Variants in EYA1 observed in about 807,000 individuals in gnomAD.
EYA1 encodes protein phosphatase EYA1.
A neutral mutation model predicts 82.0 loss-of-function variants in EYA1; 16 were observed. The ratio of observed to expected loss-of-function variants is 0.20; its 90% CI spans 0.13 to 0.30. EYA1 has a LOEUF of 0.30. Ranked by LOEUF, EYA1 falls within the 10% of genes least tolerant of loss-of-function variation. EYA1 has a pLI of 1.00. For synonymous variants in EYA1, 261 were observed against 264.4 expected (o/e 0.99, Z 0.12); for missense variants, 633 against 730.7 (o/e 0.87, Z 1.54).
chr8:71,325,916 A>G (rs771182947), intron 4 of EYA1, among the ~76,000 whole-genome samples: 6 of 152,226 alleles, frequency 3.9e-5, no homozygotes, highest in African/African-American at 9.6e-5. Flanking sequence ...CTTTCTAAAC[A>G]GTAACCCAGG....
At chr8:71,273,906 A>G (rs1302047774) in intron 9 of EYA1, among the ~76,000 whole-genome samples, 1 of 152,174 alleles carries the variant, frequency 6.6e-6, no homozygotes, top group Non-Finnish European at 1.5e-5. Context: ...AAAGTCGTTT[A>G]TCTTTCCTAG....
At chr8:71,374,429 T>G in intron 2 of EYA1, among the ~76,000 whole-genome samples, 1 of 152,036 alleles carries the variant, frequency 6.6e-6, no homozygotes, top group Non-Finnish European at 1.5e-5. Flanking sequence ...AAAACCACCA[T>G]GAGATATCAC....
Position 71,307,090 on chromosome 8 carries a change from T to C in EYA1, c.557-7370A>G, listed in dbSNP as rs73290080. Among the ~76,000 whole-genome samples, 80 of 152,254 alleles carry C rather than the reference T, an allele frequency of 5.3e-4. 1 individual carries two copies. Among genetic ancestry groups the C allele is most frequent in the African/African-American group, 1.9e-3 (78 of 41,540 alleles). ...AGGTGTGGGGACAGGTGAGGACCTT[T>C]CCATAGATTTTTGTTGGTGGGGAGG... is the stretch of plus-strand genomic sequence containing the variant. On this transcript the variant is annotated intron_variant, in intron 7 of 17. Coordinates refer to ENST00000340726, the MANE Select transcript of EYA1 (RefSeq NM_000503.6).
At chr8:71,266,520 C>T (rs1284511354) in intron 11 of EYA1, among the ~76,000 whole-genome samples, 1 of 152,156 alleles carries the variant, frequency 6.6e-6, no homozygotes, top group East Asian at 1.9e-4. Flanking sequence ...ACATCCTAAA[C>T]CATGCATCTT....
intron 1 of EYA1, among the ~76,000 whole-genome samples, chr8:71,543,163 T>C (rs1815286902): frequency 6.6e-6 from 1 of 152,176 alleles, no homozygotes. Flanking sequence ...AGGGTTTTTA[T>C]AGTTTTGGGT....
intron 7 of EYA1, among the ~76,000 whole-genome samples, chr8:71,304,947 T>C (rs942140828): frequency 1.4e-5 from 2 of 142,958 alleles, no homozygotes; most frequent in African/African-American, 2.5e-5. Context: ...GCTGCTAGAC[T>C]CACTTGCAGG....
intron 12 of EYA1, among the ~76,000 whole-genome samples, chr8:71,235,292 T>G (rs577069492): frequency 6.6e-6 from 1 of 152,152 alleles, no homozygotes; most frequent in African/African-American, 2.4e-5. Context: ...AAAAATATTC[T>G]TTACCATGGT....
chr8:71,351,529 T>G (rs1199760153), intron 3 of EYA1, among the ~76,000 whole-genome samples: 1 of 152,194 alleles, frequency 6.6e-6, no homozygotes, highest in African/African-American at 2.4e-5. Flanking sequence ...AAAATGTGAA[T>G]AGTTGAAAGT....
At chr8:71,470,425 A>G (rs1809101905) in intron 2 of EYA1, among the ~76,000 whole-genome samples, 1 of 152,078 alleles carries the variant, frequency 6.6e-6, no homozygotes, top group Non-Finnish European at 1.5e-5. Flanking sequence ...TCACAAGAAA[A>G]AGGGAACCAG....
intron 2 of EYA1, among the ~76,000 whole-genome samples, chr8:71,430,434 A>G (rs1805534621): frequency 6.6e-6 from 1 of 152,224 alleles, no homozygotes; most frequent in Admixed American, 6.5e-5. Context: ...GATTATCCTG[A>G]GAATCCAGCA....
At chr8:71,447,815 A>C (rs918644274) in intron 2 of EYA1, among the ~76,000 whole-genome samples, 2 of 152,192 alleles carry the variant, frequency 1.3e-5, no homozygotes, top group African/African-American at 4.8e-5. Flanking sequence ...CTATCTGATC[A>C]TTCAGCAAGT....
At chr8:71,300,112 T>C (rs565537937) in intron 7 of EYA1, among the ~76,000 whole-genome samples, 3 of 152,338 alleles carry the variant, frequency 2.0e-5, no homozygotes, top group East Asian at 1.9e-4. Flanking sequence ...TCAAAAACTA[T>C]GATACTACTT....
chr8:71,415,192 T>C (rs955520187), intron 2 of EYA1, among the ~76,000 whole-genome samples: 2 of 152,202 alleles, frequency 1.3e-5, no homozygotes, highest in Non-Finnish European at 2.9e-5. Context: ...ACACCTTTCT[T>C]CCTCCTCTTC....
At chr8:71,468,842 C>A (rs192060917) in intron 2 of EYA1, among the ~76,000 whole-genome samples, 6 of 152,180 alleles carry the variant, frequency 3.9e-5, no homozygotes, top group Non-Finnish European at 5.9e-5. Flanking sequence ...TAGTACTTAT[C>A]AAATTTTTAC....
At chr8:71,280,059 G>A (rs1219349280) in intron 9 of EYA1, among the ~76,000 whole-genome samples, 2 of 152,198 alleles carry the variant, frequency 1.3e-5, no homozygotes, top group Non-Finnish European at 1.5e-5. Flanking sequence ...CATCTTGTGA[G>A]TGATTTTTTG....
intron 17 of EYA1, among the ~76,000 whole-genome samples, chr8:71,210,527 A>T (rs141689406): frequency 1.3e-5 from 2 of 152,158 alleles, no homozygotes; most frequent in African/African-American, 4.8e-5. Flanking sequence ...GAGAGGCCCA[A>T]TGAGAAAGCT....
intron 3 of EYA1, among the ~76,000 whole-genome samples, chr8:71,354,078 T>C (rs1040522264): frequency 1.3e-5 from 2 of 152,126 alleles, no homozygotes; most frequent in African/African-American, 4.8e-5. Flanking sequence ...TAACCTTATA[T>C]GTTTAATCTT....
chr8:71,262,228 C>T (rs1445406), intron 11 of EYA1, among the ~76,000 whole-genome samples: 73,468 of 152,126 alleles, frequency 0.48, 20,274 homozygotes, highest in African/African-American at 0.76. Flanking sequence ...AAAAGTTGAA[C>T]AAAGATGCAG....
chr8:71,456,190 C>A (rs1178152238), intron 2 of EYA1, among the ~76,000 whole-genome samples: 4 of 152,076 alleles, frequency 2.6e-5, no homozygotes, highest in African/African-American at 9.7e-5. Context: ...CCTAGGAATC[C>A]AACTTACAAG....
Sources: allele counts gnomAD v4.1 joint callset (sites outside exome capture counted in the v4.1 genomes callset), GRCh38; gene constraint gnomAD v4.1.1; transcripts MANE v1.5; gene names NCBI Gene and HGNC (gene_info 2026-07-23, HGNC 2026-07-21).